The following IL27RA variants were observed in gnomAD, a reference collection of about 807,000 sequenced individuals.
The protein encoded by IL27RA is interleukin 27 receptor subunit alpha.
A neutral mutation model predicts 80.8 loss-of-function variants in IL27RA; 61 were observed. That is an observed-to-expected ratio of 0.76 (90% CI 0.61 to 0.93). The LOEUF is 0.93. Among genes scored for constraint, IL27RA ranks in the 40% least tolerant of loss-of-function variants. The pLI is 0.00. For missense variants in IL27RA, 735 were observed against 808.1 expected, an observed-to-expected ratio of 0.91 and a Z score of 1.10; for synonymous variants, 316 against 332.5, an observed-to-expected ratio of 0.95 and a Z score of 0.54.
intron 6 of IL27RA, among the ~76,000 whole-genome samples, chr19:14,043,090 C>G (rs10404986): frequency 1.3e-5 from 2 of 151,466 alleles, no homozygotes; most frequent in African/African-American, 2.4e-5. Context: ...TGCAGTGAGC[C>G]GAGATCACAC....
rs370388608 is a variant in IL27RA at position 14,039,544 on chromosome 19, C to G, written c.255C>G (p.Ala85=). The G allele has an allele frequency of 2.5e-6, 4 of 1,614,020 alleles. No homozygotes were observed. Among genetic ancestry groups the G allele is most frequent in the Non-Finnish European group, 3.4e-6 (4 of 1,179,922 alleles). The part of the protein sequence containing the change: ...SNKTQTVAVA[A]GRSWVAIPRE... ...AAACCCAGACTGTGGCAGTGGCAGC[C>G]GGACGGAGCTGGGTGGCCATTCCTC... is the stretch of plus-strand genomic sequence containing the variant. Residue 85 remains alanine (A), a synonymous_variant, in exon 3 of 14, where the codon GCC becomes GCG. Coordinates refer to ENST00000263379, the MANE Select transcript of IL27RA (RefSeq NM_004843.4).
At chr19:14,046,738 T>A (rs1245997592) in intron 8 of IL27RA, 120 bp downstream of exon 8, 1 of 970,772 alleles carries the variant, frequency 1.0e-6, no homozygotes, top group Non-Finnish European at 1.5e-6. Flanking sequence ...GGCTCATGCC[T>A]GTAATCTCAG....
intron 8 of IL27RA, among the ~76,000 whole-genome samples, chr19:14,047,950 C>CCGCA (rs1306067326): frequency 6.6e-6 from 1 of 151,114 alleles, no homozygotes; most frequent in East Asian, 1.9e-4. Flanking sequence ...GCATGAGCCA[C>CCGCA]CGCACCCGGC....
intron 4 of IL27RA, among the ~76,000 whole-genome samples, chr19:14,041,982 C>T (rs1031280711): frequency 3.3e-5 from 5 of 152,038 alleles, no homozygotes; most frequent in Non-Finnish European, 7.4e-5. Context: ...GGGCGGATCA[C>T]GAGGTCAGGA....
rs949606711 is a variant in IL27RA at position 14,052,626 on chromosome 19, C to T, written c.*336C>T. On this transcript the variant is annotated 3_prime_UTR_variant, in exon 14 of 14. Transcript: ENST00000263379. The stretch of plus-strand genomic sequence containing the variant: ...CACGCCTGTAATCCCAGCACTTTGG[C>T]AGGCCAAGGTGGAAGGATCACTTAG... The T allele has an allele frequency of 4.4e-6, 1 of 227,014 alleles. No homozygotes were observed. Among genetic ancestry groups the T allele is most frequent in the Non-Finnish European group, 8.6e-6 (1 of 116,836 alleles). The allele number at this position is 227,014 out of a possible 1,614,324, so 14.1% of individuals were successfully genotyped here. A position where few individuals can be genotyped will look rare whatever the true frequency, so the allele number is the denominator to read the frequency against.
Position 14,049,220 on chromosome 19 carries a change from G to A in IL27RA, c.1308G>A (p.Ala436=), listed in dbSNP as rs367839117. Residue 436 remains alanine, a synonymous_variant, in exon 10 of 14, where the codon GCG becomes GCA. Transcript: ENST00000263379. ...CCCCTCCAGGGACCCCCGCCATAGC[G>A]TGGGGAGAGGTCCCAAGGCACCAGC... ...QDAPPGTPAI[A]WGEVPRHQLR... is the part of the protein sequence containing the mutation. The A allele has an allele frequency of 1.2e-5, 20 of 1,613,984 alleles. No homozygotes were observed. The highest frequency in any genetic ancestry group is 6.7e-5 in the African/African-American group (5 of 74,918).
intron 4 of IL27RA, among the ~76,000 whole-genome samples, chr19:14,040,732 G>T (rs1319794042): frequency 2.0e-5 from 3 of 151,588 alleles, no homozygotes. Context: ...TAAGGCAGGA[G>T]AGAATCACTT....
At chr19:14,034,141 TAAA>T in intron 2 of IL27RA, among the ~76,000 whole-genome samples, 1 of 152,256 alleles carries the variant, frequency 6.6e-6, no homozygotes, top group South Asian at 2.1e-4. Flanking sequence ...CTGAGCATGT[TAAA>T]AGATTATTCA....
chr19:14,048,847 A>G (rs1302767150), intron 8 of IL27RA, 134 bp from the exon 9 acceptor site: 1 of 779,340 alleles, frequency 1.3e-6, no homozygotes, highest in African/African-American at 1.8e-5. Flanking sequence ...TTCTGGGATT[A>G]CCTCCTAGAT....
chr19:14,031,795 C>G lies in IL27RA; in HGVS notation c.-78C>G. On this transcript the variant is annotated 5_prime_UTR_variant, in exon 1 of 14. Coordinates refer to ENST00000263379, the MANE Select transcript of IL27RA (RefSeq NM_004843.4). ...TCCCGTTGCCGCCTCGGGCGCTGTA[C>G]CCAGAGCTCGAAGAGGAGCAGCGCG... 7.9e-7 allele frequency: 1 copy of G among 1,263,870 alleles called. No individual in the cohort carries two copies. The highest frequency in any genetic ancestry group is 1.4e-5 in the South Asian group (1 of 72,654). The allele number at this position is 1,263,870 out of a possible 1,614,324, so 78.3% of individuals were successfully genotyped here.
At chr19:14,038,978 AAG>A (rs1227310153) in intron 2 of IL27RA, among the ~76,000 whole-genome samples, 3 of 151,356 alleles carry the variant, frequency 2.0e-5, no homozygotes, top group East Asian at 1.9e-4. Flanking sequence ...AAGAAAGAAA[AAG>A]AGAGAGAGAA....
chr19:14,032,104 G>GTCCCT, intron 1 of IL27RA, 132 bp downstream of exon 1: 1 of 845,172 alleles, frequency 1.2e-6, no homozygotes, highest in Non-Finnish European at 1.8e-6. Context: ...CTCCTCCCGG[G>GTCCCT]GCAGGGACCC....
At chr19:14,041,418 C>T (rs950877856) in intron 4 of IL27RA, among the ~76,000 whole-genome samples, 6 of 151,898 alleles carry the variant, frequency 4.0e-5, no homozygotes, top group Admixed American at 6.6e-5. Flanking sequence ...CCAGGCTGGT[C>T]TCGAACTCCT....
chr19:14,051,157 C>T lies in IL27RA; in HGVS notation c.1528+274C>T, dbSNP rs1185801038. Among the ~76,000 whole-genome samples, 4 of 151,830 alleles carry T rather than the reference C, an allele frequency of 2.6e-5. No homozygotes were observed. The South Asian group carries it at 6.2e-4, about 24-fold the overall frequency. ...CCCAGCTCCTGGAGAAGCTGAGGCT[C>T]GAGGATCGCTTGAGCCCAGGAGTTG... On this transcript the variant is annotated intron_variant, in intron 11 of 13. Transcript: ENST00000263379.
At chr19:14,039,281 AAAAAAG>A (rs1975951872) in intron 2 of IL27RA, among the ~76,000 whole-genome samples, 1 of 151,954 alleles carries the variant, frequency 6.6e-6, no homozygotes, top group South Asian at 2.1e-4. Context: ...TCTTAAAAAA[AAAAAAG>A]AAAAAGAGCA....
In IL27RA at chr19:14,042,741, G is replaced by A. The variant is rs745769605; in HGVS notation, c.720G>A (p.Gly240=). The A allele has an allele frequency of 1.9e-6, 3 of 1,614,174 alleles. No homozygotes were observed. The highest frequency in any genetic ancestry group is 1.3e-5 in the African/African-American group (1 of 75,052). ...CTCCAAAAGATGTGTGGGTATCAGG[G>A]AACCTCTGTGGGACGCCTGGAGGAG... ...PSAPKDVWVS[G]NLCGTPGGEE... The change falls in exon 6 of 14, where the codon GGG becomes GGA. Residue 240 remains glycine (G), a synonymous_variant. Coordinates refer to ENST00000263379, the MANE Select transcript of IL27RA (RefSeq NM_004843.4).
chr19:14,037,122 C>T lies in IL27RA; in HGVS notation c.219-2386C>T, dbSNP rs182487384. ...TGCTGGGATTACAGGCATGAGCCACCGTGCCCGGCCCCACATATTCTTGAT... is the reference window on the plus strand; with the variant it reads ...TGCTGGGATTACAGGCATGAGCCACTGTGCCCGGCCCCACATATTCTTGAT... On this transcript the variant is annotated intron_variant, in intron 2 of 13. Coordinates refer to ENST00000263379, the MANE Select transcript of IL27RA (RefSeq NM_004843.4). Among the ~76,000 whole-genome samples, 284 of 152,230 alleles carry T rather than the reference C, an allele frequency of 1.9e-3. 1 individual carries two copies. The highest frequency in any genetic ancestry group is 6.1e-3 in the African/African-American group (255 of 41,546).
chr19:14,046,119 G>A, intron 6 of IL27RA, 35 bp from the exon 7 acceptor site: 1 of 1,580,604 alleles, frequency 6.3e-7, no homozygotes, highest in East Asian at 2.2e-5. Flanking sequence ...GTGATTAATG[G>A]GAGACATTAA....
At chr19:14,043,137 C>T (rs1443866297) in intron 6 of IL27RA, among the ~76,000 whole-genome samples, 1 of 151,958 alleles carries the variant, frequency 6.6e-6, no homozygotes, top group African/African-American at 2.4e-5. Flanking sequence ...AGTGAAACTC[C>T]GTCTCCAAAA....
Sources: allele counts gnomAD v4.1 joint callset (sites outside exome capture counted in the v4.1 genomes callset), GRCh38; gene constraint gnomAD v4.1.1; transcripts MANE v1.5; gene names NCBI Gene and HGNC (gene_info 2026-07-23, HGNC 2026-07-21).